NTRK1: variants seen among roughly 807,000 people sequenced by gnomAD.
The protein encoded by NTRK1 is high affinity nerve growth factor receptor.
A neutral mutation model predicts 86.8 loss-of-function variants in NTRK1; 62 were observed. The ratio of observed to expected loss-of-function variants is 0.71; its 90% CI spans 0.58 to 0.88. NTRK1 has a LOEUF of 0.88. NTRK1 is among the 40% of genes least tolerant of loss of function. NTRK1 has a pLI of 0.00. For missense variants in NTRK1, 967 were observed against 1,078.4 expected (o/e 0.90, Z 1.45); for synonymous variants, 469 against 456.6 (o/e 1.03, Z -0.35).
intron 2 of NTRK1, among the ~76,000 whole-genome samples, chr1:156,847,699 G>A (rs1008579095): frequency 6.6e-6 from 1 of 152,082 alleles, no homozygotes; most frequent in Non-Finnish European, 1.5e-5. Context: ...TGGGTGTCAT[G>A]GGAGCAGGTG....
intron 1 of NTRK1, chr1:156,816,191 C>A: frequency 6.7e-7 from 1 of 1,482,406 alleles, no homozygotes; most frequent in Non-Finnish European, 9.0e-7. Flanking sequence ...ATCTGGAGGG[C>A]TGGGACAGTC....
At chr1:156,855,382 T>C (rs994868019) in intron 2 of NTRK1, among the ~76,000 whole-genome samples, 8 of 152,178 alleles carry the variant, frequency 5.3e-5, no homozygotes, top group Admixed American at 2.0e-4. Flanking sequence ...TTTTTGCATT[T>C]TTAGTAGAGG....
At chr1:156,816,348 G>A (rs1653930197) in intron 1 of NTRK1, among the ~76,000 whole-genome samples, 1 of 152,188 alleles carries the variant, frequency 6.6e-6, no homozygotes, top group Non-Finnish European at 1.5e-5. Context: ...AGTCAGGCTG[G>A]CCTTCGGATG....
At chr1:156,851,912 GA>G (rs1217924780) in intron 2 of NTRK1, 1 of 1,591,924 alleles carries the variant, frequency 6.3e-7, no homozygotes, top group Admixed American at 1.7e-5. Context: ...GGTGAAGCCA[GA>G]AGGGCACTGG....
intron 6 of NTRK1, among the ~76,000 whole-genome samples, chr1:156,871,157 G>A (rs1411833210): frequency 1.3e-5 from 2 of 152,208 alleles, no homozygotes; most frequent in African/African-American, 4.8e-5. Context: ...TGGGATGCGT[G>A]ACATCTGTTT....
chr1:156,844,779 C>T, intron 2 of NTRK1: 2 of 1,614,146 alleles, frequency 1.2e-6, no homozygotes, highest in South Asian at 1.1e-5. Context: ...CGAGCCAGCG[C>T]AGAAGGACAC....
intron 1 of NTRK1, among the ~76,000 whole-genome samples, chr1:156,832,747 A>G (rs1654496851): frequency 6.6e-6 from 1 of 152,168 alleles, no homozygotes; most frequent in South Asian, 2.1e-4. Context: ...TTCAGCAGGG[A>G]AGCATCGAGA....
intron 3 of NTRK1, 65 bp from the exon 4 acceptor site, chr1:156,866,845 C>A: frequency 6.5e-7 from 1 of 1,547,712 alleles, no homozygotes; most frequent in South Asian, 1.1e-5. Flanking sequence ...TCCCCTCCCT[C>A]ATTCTGGTCA....
chr1:156,841,597 G>T (rs1480737544), intron 1 of NTRK1: 3 of 1,610,148 alleles, frequency 1.9e-6, no homozygotes, highest in African/African-American at 2.7e-5. Context: ...AGGGATGGGG[G>T]TGTTCCAGGC....
At chr1:156,868,456 C>A (rs1294841654) in intron 5 of NTRK1, 49 bp from the exon 6 acceptor site, 6 of 1,550,298 alleles carry the variant, frequency 3.9e-6, no homozygotes, top group African/African-American at 1.4e-5. Flanking sequence ...GTTCTGGGGC[C>A]ACTCCCAGCT....
intron 2 of NTRK1, among the ~76,000 whole-genome samples, chr1:156,850,423 G>A (rs796643640): frequency 5.9e-5 from 9 of 151,998 alleles, no homozygotes; most frequent in African/African-American, 2.2e-4. Flanking sequence ...TGTTGGCCAG[G>A]CTGGTCTTGA....
chr1:156,817,540 C>A (rs1654041256), intron 1 of NTRK1, among the ~76,000 whole-genome samples: 1 of 151,938 alleles, frequency 6.6e-6, no homozygotes, highest in Non-Finnish European at 1.5e-5. Flanking sequence ...AGGGCAAAAC[C>A]AGGCAATATT....
chr1:156,871,066 T>C (rs1400031453), intron 6 of NTRK1, among the ~76,000 whole-genome samples: 2 of 152,184 alleles, frequency 1.3e-5, no homozygotes, highest in African/African-American at 4.8e-5. Flanking sequence ...CTCAGTTTGT[T>C]AGAACTGTGT....
intron 1 of NTRK1, among the ~76,000 whole-genome samples, chr1:156,826,362 G>A (rs920112282): frequency 7.7e-5 from 11 of 143,324 alleles, no homozygotes; most frequent in Admixed American, 1.4e-4. Context: ...GTGCAGTGGC[G>A]TGATCTCGGC....
chr1:156,821,230 T>G (rs1158754748), intron 1 of NTRK1, among the ~76,000 whole-genome samples: 1 of 152,184 alleles, frequency 6.6e-6, no homozygotes, highest in African/African-American at 2.4e-5. Context: ...TCTAGGATCT[T>G]TATGGTTGAG....
chr1:156,879,963 C>T lies in NTRK1; in HGVS notation c.2047-36C>T, dbSNP rs780318714. ...CTGTGCCTTGACGGGCTGTCCCAGGCGCCCCTGGAATTGATGCAGTGTCCG... is the reference window on the plus strand; with the variant it reads ...CTGTGCCTTGACGGGCTGTCCCAGGTGCCCCTGGAATTGATGCAGTGTCCG... On this transcript the variant is annotated intron_variant, in intron 15 of 16. Coordinates refer to ENST00000524377, the MANE Select transcript of NTRK1 (RefSeq NM_002529.4). The T allele has an allele frequency of 3.2e-5, 51 of 1,609,584 alleles. No homozygotes were observed. The East Asian group carries it at 9.8e-4, about 31-fold the overall frequency.
intron 1 of NTRK1, among the ~76,000 whole-genome samples, chr1:156,819,589 C>T (rs148286677): frequency 0.036 from 5,445 of 151,794 alleles, 379 homozygotes; most frequent in African/African-American, 0.12. Context: ...GGCATAATCT[C>T]GGCTCACTGC....
chr1:156,825,367 T>G (rs1654292410), intron 1 of NTRK1, among the ~76,000 whole-genome samples: 1 of 152,234 alleles, frequency 6.6e-6, no homozygotes, highest in Non-Finnish European at 1.5e-5. Context: ...TGCAACATCT[T>G]GTCCTTTATA....
intron 2 of NTRK1, chr1:156,849,550 T>G: frequency 4.1e-6 from 4 of 985,956 alleles, no homozygotes; most frequent in East Asian, 2.6e-5. Context: ...TGGAAGGGTT[T>G]TGCTGGGCCC....
Sources: gnomAD v4.1 joint callset for allele counts (sites outside exome capture counted in the v4.1 genomes callset) on GRCh38, gnomAD v4.1.1 for gene constraint, MANE v1.5 for transcripts, NCBI Gene and HGNC (gene_info 2026-07-23, HGNC 2026-07-21) for gene names.